The following UGT2B28 variants were observed in gnomAD, a reference collection of about 807,000 sequenced individuals.
UGT2B28 encodes the protein UDP glucuronosyltransferase family 2 member B28.
A neutral mutation model predicts 43.6 loss-of-function variants in UGT2B28; 45 were observed. The ratio of observed to expected loss-of-function variants is 1.03; its 90% CI spans 0.81 to 1.32. The LOEUF (loss-of-function observed/expected upper bound fraction) is 1.32. Ranked by LOEUF, UGT2B28 falls within the 40% of genes most tolerant of loss-of-function variation. UGT2B28 has a pLI of 0.00. For missense variants in UGT2B28, 649 were observed against 625.5 expected, an observed-to-expected ratio of 1.04 and a Z score of -0.40; for synonymous variants, 204 against 208.1, an observed-to-expected ratio of 0.98 and a Z score of 0.17.
rs748001588 is a variant in UGT2B28, at chr4:69,280,723, G to A, written c.223G>A (p.Glu75Lys). The change falls in exon 1 of 6, where the codon GAA becomes AAA. Residue 75 changes from glutamate (E) to lysine (K), a missense_variant. Physicochemically the swap from Glu to Lys is moderately conservative, Grantham distance 56. Transcript: ENST00000335568. Reference protein sequence around the residue: ...DPNDAFTLKLEVYPTSLTKTE... With the variant: ...DPNDAFTLKLKVYPTSLTKTE... ...CAATGACGCATTCACTCTTAAACTC[G>A]AAGTTTATCCTACATCTTTAACTAA... 2.0e-5 allele frequency: 31 copies of A among 1,560,276 alleles called. 3 individuals are homozygous for A. Among genetic ancestry groups the A allele is most frequent in the African/African-American group, 4.5e-5 (3 of 66,056 alleles).
intron 5 of UGT2B28, among the ~76,000 whole-genome samples, chr4:69,293,259 C>G (rs1313904932): frequency 7.1e-6 from 1 of 139,938 alleles, no homozygotes; most frequent in Non-Finnish European, 1.5e-5. Flanking sequence ...AAAGTAGTCA[C>G]TAAAAGGTTC....
intron 2 of UGT2B28, among the ~76,000 whole-genome samples, chr4:69,283,134 T>G (rs1723669088): frequency 7.1e-6 from 1 of 139,976 alleles, no homozygotes; most frequent in South Asian, 2.4e-4. Context: ...TCAGTGGAGA[T>G]AATAGAAAGT....
In UGT2B28 at chr4:69,286,902, C is replaced by T. The variant is rs1166772569; in HGVS notation, c.1002+19C>T. The T allele has an allele frequency of 1.3e-6, 2 of 1,551,414 alleles. 1 individual carries two copies. Among genetic ancestry groups the T allele is most frequent in the South Asian group, 2.4e-5 (2 of 83,734 alleles). On this transcript the variant is annotated intron_variant, in intron 3 of 5. Transcript: ENST00000335568. ...ACAAAAGGTAAGATAAAGTGCCTTA[C>T]TGGTGTGGAAAACTACTGAAAGAGG...
rs369911389 is a variant in UGT2B28, at chr4:69,294,745, C to A, written c.1526C>A (p.Thr509Lys). Residue 509 changes from threonine to lysine, a missense_variant, in exon 6 of 6, where the codon ACA becomes AAA. Thr to Lys is a moderately conservative substitution (Grantham distance 78). Coordinates refer to ENST00000335568, the MANE Select transcript of UGT2B28 (RefSeq NM_053039.2). ...GTGGCAACTGTGATATTTGTCGTCA[C>A]AAAGTTTTGTCTGTTTTGTTTCTGG... ...ACVATVIFVVTKFCLFCFWKF... is the reference protein window; with the variant it reads ...ACVATVIFVVKKFCLFCFWKF... 3.2e-6 allele frequency: 5 copies of A among 1,558,666 alleles called. 1 individual carries two copies. The African/African-American group carries it at 4.6e-5, about 14-fold the overall frequency.
At chr4:69,292,980 T>C (rs1350508000) in intron 5 of UGT2B28, among the ~76,000 whole-genome samples, 1 of 140,466 alleles carries the variant, frequency 7.1e-6, no homozygotes, top group Non-Finnish European at 1.5e-5. Flanking sequence ...CATAAATATA[T>C]AAATCTAATG....
rs112419119 is a variant in UGT2B28 at position 69,286,847 on chromosome 4, C to G, written c.966C>G (p.Asn322Lys). 71 of 1,555,812 alleles carry G rather than the reference C, an allele frequency of 4.6e-5. 14 individuals are homozygous for G. The highest frequency in any genetic ancestry group is 6.0e-5 in the Non-Finnish European group (69 of 1,154,230). ...VISNMTAERA[N>K]VIATALAKIP... Reference sequence around the variant, plus strand: ...GTAACATGACAGCAGAAAGGGCCAACGTAATTGCAACAGCCCTTGCCAAGA... The same window carrying G: ...GTAACATGACAGCAGAAAGGGCCAAGGTAATTGCAACAGCCCTTGCCAAGA... The change falls in exon 3 of 6, where the codon AAC (asparagine) becomes AAG (lysine). Residue 322 changes from asparagine (N) to lysine (K), a missense_variant. Coordinates refer to ENST00000335568, the MANE Select transcript of UGT2B28 (RefSeq NM_053039.2).
At chr4:69,294,386 C>T in intron 5 of UGT2B28, 144 bp from the exon 6 acceptor site, 3 of 924,156 alleles carry the variant, frequency 3.2e-6, no homozygotes, top group Non-Finnish European at 4.2e-6. Context: ...TCTATGATGA[C>T]TCAAATTAAA....
At chr4:69,287,662 C>A (rs1723817726) in intron 3 of UGT2B28, among the ~76,000 whole-genome samples, 1 of 139,516 alleles carries the variant, frequency 7.2e-6, no homozygotes, top group South Asian at 2.4e-4. Flanking sequence ...AGATTAACAA[C>A]CCCTCCCAGT....
chr4:69,290,387 C>A (rs1346359863), intron 4 of UGT2B28, among the ~76,000 whole-genome samples: 1 of 140,154 alleles, frequency 7.1e-6, no homozygotes, highest in East Asian at 2.0e-4. Context: ...ATCTTGTATT[C>A]AGTTTTGCAC....
rs1195552340 is a variant in UGT2B28, at chr4:69,286,373, A to G, written c.871-379A>G. 1.7e-4 allele frequency among the ~76,000 whole-genome samples: 24 copies of G among 140,760 alleles called. 5 individuals carry two copies. Among genetic ancestry groups the G allele is most frequent in the Non-Finnish European group, 2.9e-4 (19 of 65,900 alleles). 92.3% of individuals were successfully genotyped at this position (140,760 alleles called of 152,430 possible). A position where few individuals can be genotyped will look rare whatever the true frequency, so the allele number is the denominator to read the frequency against. ...ACAAGTGTTTAAGTAGAAGAAAAAT[A>G]TAGCATTAAAGCCTAGTGGTGCCAC... On this transcript the variant is annotated intron_variant, in intron 2 of 5. Transcript: ENST00000335568.
At position 69,280,785 on chromosome 4, in the gene UGT2B28, G is replaced by C. The variant is rs773554667; in HGVS notation, c.285G>C (p.Lys95Asn). Reference protein sequence around the residue: ...EFENIIMQQVKRWSDIQKDSF... With the variant: ...EFENIIMQQVNRWSDIQKDSF... Reference sequence around the variant, plus strand: ...AGAATATCATCATGCAACAGGTTAAGAGATGGTCAGACATTCAAAAAGATA... The same window carrying C: ...AGAATATCATCATGCAACAGGTTAACAGATGGTCAGACATTCAAAAAGATA... Residue 95 changes from lysine (K) to asparagine (N), a missense_variant, in exon 1 of 6, where the codon AAG becomes AAC. Lys to Asn is a moderately conservative substitution (Grantham distance 94). Transcript: ENST00000335568. 6.4e-7 allele frequency: 1 copy of C among 1,569,344 alleles called. No homozygotes were observed. Among genetic ancestry groups the C allele is most frequent in the Non-Finnish European group, 8.6e-7 (1 of 1,160,304 alleles).
Position 69,290,769 on chromosome 4 carries a change from C to G in UGT2B28, c.1268C>G (p.Thr423Arg), listed in dbSNP as rs373957965. 2.6e-6 allele frequency: 4 copies of G among 1,559,760 alleles called. 1 individual carries two copies. The highest frequency in any genetic ancestry group is 3.5e-6 in the Non-Finnish European group (4 of 1,155,226). The change falls in exon 5 of 6, where the codon ACA (threonine) becomes AGA (arginine). Residue 423 changes from threonine to arginine, a missense_variant. Coordinates refer to ENST00000335568, the MANE Select transcript of UGT2B28 (RefSeq NM_053039.2). Reference protein sequence around the residue: ...VRLDFHTMSSTDLLNALKTVI... With the variant: ...VRLDFHTMSSRDLLNALKTVI... ...CTGGACTTCCACACAATGTCGAGTA[C>G]AGACCTGCTGAATGCACTGAAGACA... is the stretch of plus-strand genomic sequence containing the variant.
rs1267589072 is a variant in UGT2B28, at chr4:69,283,969, G to A, written c.870+1307G>A. Among the ~76,000 whole-genome samples the A allele has an allele frequency of 7.1e-5, 10 of 140,896 alleles. 1 individual carries two copies. The highest frequency in any genetic ancestry group is 1.2e-4 in the Non-Finnish European group (8 of 65,708). The allele number at this position is 140,896 out of a possible 152,430, so 92.4% of individuals were successfully genotyped here. The stretch of plus-strand genomic sequence containing the variant: ...AAAACACTTCCTCAACAATACAAAT[G>A]TGTGCCTTAAATATGTGCAGACAAA... On this transcript the variant is annotated intron_variant, in intron 2 of 5. Transcript: ENST00000335568.
At chr4:69,286,659 A>T in intron 2 of UGT2B28, 93 bp from the exon 3 acceptor site, 1 of 1,428,510 alleles carries the variant, frequency 7.0e-7, no homozygotes, top group Non-Finnish European at 9.3e-7. Context: ...TCCTCAAAAT[A>T]CTTGATTTTC....
intron 3 of UGT2B28, 100 bp from the exon 4 acceptor site, chr4:69,289,565 C>T (rs2109693336): frequency 1.9e-6 from 2 of 1,077,130 alleles, no homozygotes; most frequent in East Asian, 2.7e-5. Context: ...GATTTATTTA[C>T]TAACATCCCT....
intron 2 of UGT2B28, among the ~76,000 whole-genome samples, chr4:69,285,157 T>A (rs186671540): frequency 7.2e-6 from 1 of 139,676 alleles, no homozygotes; most frequent in Non-Finnish European, 1.5e-5. Context: ...AAAATGTATA[T>A]ACAATAAGAT....
intron 2 of UGT2B28, among the ~76,000 whole-genome samples, chr4:69,283,105 AC>A (rs2109684015): frequency 7.1e-6 from 1 of 140,230 alleles, no homozygotes; most frequent in Admixed American, 7.2e-5. Context: ...TCAAGGAAAA[AC>A]CCAATATCAA....
intron 1 of UGT2B28, among the ~76,000 whole-genome samples, 194 bp from the exon 2 acceptor site, chr4:69,282,320 T>C: frequency 7.1e-6 from 1 of 140,140 alleles, no homozygotes; most frequent in Non-Finnish European, 1.5e-5. Flanking sequence ...ACTTTGCCTT[T>C]CTTATAAATA....
At chr4:69,281,325 G>C in intron 1 of UGT2B28, 104 bp downstream of exon 1, 1 of 1,268,272 alleles carries the variant, frequency 7.9e-7, no homozygotes, top group African/African-American at 1.7e-5. Context: ...TTTTTGGTAA[G>C]TGAATTTATG....
Sources: allele counts gnomAD v4.1 joint callset (sites outside exome capture counted in the v4.1 genomes callset), GRCh38; gene constraint gnomAD v4.1.1; transcripts MANE v1.5; gene names NCBI Gene and HGNC (gene_info 2026-07-23, HGNC 2026-07-21).